Variants in MICU1 observed in about 807,000 individuals in gnomAD.
MICU1 encodes the protein calcium uptake protein 1, mitochondrial.
In MICU1, 45 loss-of-function variants were observed where a neutral mutation model predicts 56.8. The ratio of observed to expected loss-of-function variants is 0.79; its 90% CI spans 0.62 to 1.02. The LOEUF is 1.02. MICU1 is among the 50% of genes least tolerant of loss of function. MICU1 has a pLI of 0.00. For missense variants in MICU1, 504 were observed against 587.1 expected, an observed-to-expected ratio of 0.86 and a Z score of 1.46; for synonymous variants, 186 against 195.1, an observed-to-expected ratio of 0.95 and a Z score of 0.39.
intron 1 of MICU1, among the ~76,000 whole-genome samples, chr10:72,569,237 A>ATATATATATTT: frequency 8.7e-5 from 3 of 34,392 alleles, no homozygotes; most frequent in East Asian, 6.9e-4. Flanking sequence ...ATATATATAT[A>ATATATATATTT]TTTTTTTTTT....
At chr10:72,452,405 C>G (rs1865327534) in intron 8 of MICU1, among the ~76,000 whole-genome samples, 1 of 152,092 alleles carries the variant, frequency 6.6e-6, no homozygotes, top group South Asian at 2.1e-4. Flanking sequence ...TCAGAGCTAC[C>G]TAACTGAATA....
chr10:72,573,307 C>CAAAAAAAAAAAAA (rs58866778), intron 1 of MICU1, among the ~76,000 whole-genome samples: 2 of 21,032 alleles, frequency 9.5e-5, no homozygotes, highest in Non-Finnish European at 8.3e-5. Context: ...CCCATCACTA[C>CAAAAAAAAAAAAA]AAAAAAAAAA....
intron 10 of MICU1, among the ~76,000 whole-genome samples, chr10:72,398,622 C>T (rs574920444): frequency 6.6e-6 from 1 of 152,170 alleles, no homozygotes; most frequent in South Asian, 2.1e-4. Context: ...TACCACTGAT[C>T]CCACAGAAAT....
intron 9 of MICU1, among the ~76,000 whole-genome samples, chr10:72,418,233 C>T (rs1310511238): frequency 1.3e-5 from 2 of 152,068 alleles, no homozygotes; most frequent in African/African-American, 4.8e-5. Flanking sequence ...ACCATATCAC[C>T]CTTTAAGAAA....
chr10:72,574,136 C>T (rs375244550), intron 1 of MICU1, among the ~76,000 whole-genome samples: 8 of 152,214 alleles, frequency 5.3e-5, no homozygotes, highest in Admixed American at 1.3e-4. Context: ...AACTATTACC[C>T]GACACTGTTG....
intron 9 of MICU1, among the ~76,000 whole-genome samples, chr10:72,410,095 G>A (rs983721129): frequency 6.6e-6 from 1 of 152,048 alleles, no homozygotes; most frequent in African/African-American, 2.4e-5. Context: ...TATCTGTTGT[G>A]GAACAGTAGA....
At chr10:72,417,083 A>G (rs1864005800) in intron 9 of MICU1, among the ~76,000 whole-genome samples, 1 of 152,254 alleles carries the variant, frequency 6.6e-6, no homozygotes, top group African/African-American at 2.4e-5. Flanking sequence ...AATATTGAAT[A>G]TAAATGTGAA....
chr10:72,470,045 C>A, intron 8 of MICU1, among the ~76,000 whole-genome samples: 1 of 152,146 alleles, frequency 6.6e-6, no homozygotes, highest in Non-Finnish European at 1.5e-5. Context: ...GGGACATCAA[C>A]GTAGGAATTT....
At chr10:72,604,578 C>T (rs1404862430) in intron 1 of MICU1, among the ~76,000 whole-genome samples, 2 of 150,390 alleles carry the variant, frequency 1.3e-5, no homozygotes, top group Admixed American at 6.6e-5. Context: ...CGGCCTTCTG[C>T]CTTTTTTTTT....
At chr10:72,455,060 T>C (rs1478706439) in intron 8 of MICU1, among the ~76,000 whole-genome samples, 2 of 151,738 alleles carry the variant, frequency 1.3e-5, no homozygotes, top group African/African-American at 4.8e-5. Context: ...GATTAAAAGA[T>C]CGAAGTTCGG....
intron 1 of MICU1, among the ~76,000 whole-genome samples, chr10:72,579,796 C>CA (rs1056642681): frequency 4.0e-5 from 6 of 151,746 alleles, no homozygotes; most frequent in Non-Finnish European, 7.4e-5. Flanking sequence ...TTGTCTCATG[C>CA]AAAAAAATTA....
At chr10:72,412,491 T>C (rs1293148930) in intron 9 of MICU1, among the ~76,000 whole-genome samples, 3 of 152,238 alleles carry the variant, frequency 2.0e-5, no homozygotes, top group Non-Finnish European at 4.4e-5. Flanking sequence ...ATTATTTCTT[T>C]AGGATGCTGA....
intron 1 of MICU1, among the ~76,000 whole-genome samples, chr10:72,578,937 A>C (rs890508966): frequency 3.9e-5 from 6 of 152,082 alleles, no homozygotes; most frequent in African/African-American, 1.2e-4. Context: ...TGCACACTTC[A>C]TAGACTACAC....
intron 1 of MICU1, among the ~76,000 whole-genome samples, chr10:72,625,795 G>T (rs1457298126): frequency 6.6e-6 from 1 of 152,174 alleles, no homozygotes; most frequent in African/African-American, 2.4e-5. Flanking sequence ...GAAAGTGGAG[G>T]ACGGGAGGCA....
intron 1 of MICU1, among the ~76,000 whole-genome samples, chr10:72,585,994 A>ATTTTTTTTTTTTTT (rs1276935862): frequency 3.0e-5 from 3 of 100,186 alleles, no homozygotes; most frequent in Admixed American, 1.1e-4. Flanking sequence ...TATTGTTTTT[A>ATTTTTTTTTTTTTT]TTTTTTCTTT....
At chr10:72,512,059 C>T (rs1209184530) in intron 5 of MICU1, among the ~76,000 whole-genome samples, 2 of 149,172 alleles carry the variant, frequency 1.3e-5, no homozygotes, top group African/African-American at 5.0e-5. Flanking sequence ...AAATGAAGTC[C>T]ACAAGTTCAT....
At chr10:72,536,221 A>G (rs1220738786) in intron 4 of MICU1, among the ~76,000 whole-genome samples, 1 of 152,156 alleles carries the variant, frequency 6.6e-6, no homozygotes, top group Non-Finnish European at 1.5e-5. Context: ...AGAAATGACA[A>G]ATGTTTGATG....
intron 6 of MICU1, among the ~76,000 whole-genome samples, chr10:72,505,154 T>G (rs2132340320): frequency 1.3e-5 from 2 of 151,896 alleles, no homozygotes; most frequent in South Asian, 4.2e-4. Context: ...TTGTATTTTT[T>G]TTTTAGTAGA....
At chr10:72,374,765 G>C (rs1051506205) in intron 11 of MICU1, among the ~76,000 whole-genome samples, 1 of 143,994 alleles carries the variant, frequency 6.9e-6, no homozygotes, top group African/African-American at 2.6e-5. Flanking sequence ...AGAGGGGGCA[G>C]TACAGTTTTA....
Sources: gnomAD v4.1 joint callset for allele counts (sites outside exome capture counted in the v4.1 genomes callset) on GRCh38, gnomAD v4.1.1 for gene constraint, MANE v1.5 for transcripts, NCBI Gene and HGNC (gene_info 2026-07-23, HGNC 2026-07-21) for gene names.